TESC: variants seen among roughly 807,000 people sequenced by gnomAD.
TESC encodes the protein tescalcin.
Under a neutral mutation model 31.0 loss-of-function variants are expected in TESC, and 19 were observed. That is an observed-to-expected ratio of 0.61 (90% CI 0.43 to 0.90). TESC has a LOEUF of 0.90. Ranked by LOEUF, TESC falls within the 40% of genes least tolerant of loss-of-function variation. The pLI is 0.00. For missense variants in TESC, 248 were observed against 303.8 expected (o/e 0.82, Z 1.36); for synonymous variants, 109 against 114.8 (o/e 0.95, Z 0.32).
intron 1 of TESC, among the ~76,000 whole-genome samples, chr12:117,086,843 G>A (rs745507820): frequency 2.6e-5 from 4 of 152,208 alleles, no homozygotes; most frequent in African/African-American, 9.7e-5. Context: ...TGCAGGAGAC[G>A]CTGGGGTTGC....
chr12:117,062,125 G>A (rs1044901973), intron 2 of TESC, among the ~76,000 whole-genome samples: 2 of 152,038 alleles, frequency 1.3e-5, no homozygotes, highest in South Asian at 2.1e-4. Context: ...GCTAACCTAC[G>A]TACCCTCAAA....
intron 3 of TESC, among the ~76,000 whole-genome samples, chr12:117,056,249 G>A (rs574123585): frequency 5.9e-4 from 89 of 152,028 alleles, no homozygotes; most frequent in Middle Eastern, 3.2e-3. Context: ...TAGAAACAGG[G>A]TTTCACCATG....
chr12:117,089,163 A>T (rs1435952842), intron 1 of TESC, among the ~76,000 whole-genome samples: 1 of 152,116 alleles, frequency 6.6e-6, no homozygotes, highest in Non-Finnish European at 1.5e-5. Flanking sequence ...ATGAATCCAA[A>T]CTCCAAGACT....
intron 6 of TESC, among the ~76,000 whole-genome samples, chr12:117,042,889 C>T (rs12301340): frequency 0.017 from 2,546 of 152,242 alleles, 79 homozygotes; most frequent in African/African-American, 0.057. Flanking sequence ...TACTGGAACG[C>T]TAAGCTGTGG....
chr12:117,049,904 A>G lies in TESC; in HGVS notation c.210-746T>C, dbSNP rs1244334979. On this transcript the variant is annotated intron_variant, in intron 3 of 7. Transcript: ENST00000335209. Reference sequence around the variant, plus strand: ...TGACAGAGGGAGACCCTGTCTCAAGAAAAAAAAAAAAAAAAAAAAAGGAAG... The same window carrying G: ...TGACAGAGGGAGACCCTGTCTCAAGGAAAAAAAAAAAAAAAAAAAAGGAAG... 1.8e-4 allele frequency among the ~76,000 whole-genome samples: 8 copies of G among 45,142 alleles called. No homozygotes were observed. The East Asian group carries it at 4.7e-3, about 26-fold the overall frequency. The allele number at this position is 45,142 out of a possible 152,430, so 29.6% of individuals were successfully genotyped here.
chr12:117,092,959 G>C (rs545427918), intron 1 of TESC, among the ~76,000 whole-genome samples: 1 of 152,296 alleles, frequency 6.6e-6, no homozygotes, highest in East Asian at 1.9e-4. Flanking sequence ...CTATTTCATG[G>C]GGTTCATGGA....
At chr12:117,044,575 A>G (rs1341589638) in intron 6 of TESC, among the ~76,000 whole-genome samples, 1 of 152,170 alleles carries the variant, frequency 6.6e-6, no homozygotes, top group Non-Finnish European at 1.5e-5. Context: ...TCAAGCATCC[A>G]TGGGTGTGAC....
chr12:117,047,080 C>T (rs1954578998), intron 4 of TESC, among the ~76,000 whole-genome samples: 1 of 152,244 alleles, frequency 6.6e-6, no homozygotes, highest in Non-Finnish European at 1.5e-5. Flanking sequence ...ACAACAGTGT[C>T]TACCTCGTGG....
At chr12:117,052,206 T>A (rs955634079) in intron 3 of TESC, among the ~76,000 whole-genome samples, 10 of 152,138 alleles carry the variant, frequency 6.6e-5, no homozygotes, top group African/African-American at 2.4e-4. Flanking sequence ...CCCCCTTAAC[T>A]TTCCAATTCT....
At chr12:117,066,351 C>T (rs1341642251) in intron 2 of TESC, among the ~76,000 whole-genome samples, 1 of 150,476 alleles carries the variant, frequency 6.6e-6, no homozygotes, top group Non-Finnish European at 1.5e-5. Flanking sequence ...GGACTACAGG[C>T]ACCCGCCACC....
rs140780871 is a variant in TESC at position 117,046,604 on chromosome 12, G to A, written c.474C>T (p.Ala158=). The change falls in exon 6 of 8, where the codon GCC becomes GCT. Residue 158 remains alanine (A), a synonymous_variant. Transcript: ENST00000335209. The part of the protein sequence containing the change: ...HIEKESARSI[A]DGAMMEAASV... Reference sequence around the variant, plus strand: ...TGGCCGCCTCCATCATGGCCCCGTCGGCGATGGAGCGAGCGGACTCCTTCT... The same window carrying A: ...TGGCCGCCTCCATCATGGCCCCGTCAGCGATGGAGCGAGCGGACTCCTTCT... The A allele has an allele frequency of 7.4e-5, 115 of 1,551,240 alleles. 2 individuals carry two copies. The highest frequency in any genetic ancestry group is 5.0e-4 in the Middle Eastern group (3 of 6,014).
intron 2 of TESC, among the ~76,000 whole-genome samples, chr12:117,065,577 G>A (rs1325044185): frequency 6.6e-6 from 1 of 152,120 alleles, no homozygotes; most frequent in Non-Finnish European, 1.5e-5. Flanking sequence ...CAGGGGAGAG[G>A]TCCTGGGAGG....
intron 1 of TESC, among the ~76,000 whole-genome samples, chr12:117,087,521 C>T (rs1425624979): frequency 2.6e-5 from 4 of 152,180 alleles, no homozygotes; most frequent in African/African-American, 9.7e-5. Context: ...AGTGAATTGA[C>T]TTTAGAATCT....
intron 7 of TESC, among the ~76,000 whole-genome samples, chr12:117,041,241 C>T (rs533406463): frequency 7.2e-5 from 11 of 152,262 alleles, no homozygotes; most frequent in African/African-American, 2.6e-4. Context: ...AAGGCCCGGG[C>T]GCAACGTGTG....
intron 1 of TESC, among the ~76,000 whole-genome samples, chr12:117,075,928 T>C (rs1347165658): frequency 1.8e-5 from 2 of 113,234 alleles, no homozygotes; most frequent in Non-Finnish European, 3.4e-5. Context: ...TGTGTGTATA[T>C]ATATATATAT....
At chr12:117,048,365 C>A (rs775521525) in intron 4 of TESC, among the ~76,000 whole-genome samples, 2 of 152,186 alleles carry the variant, frequency 1.3e-5, no homozygotes, top group Non-Finnish European at 2.9e-5. Flanking sequence ...ATAGCGAAGT[C>A]CCATGTTTAC....
intron 4 of TESC, among the ~76,000 whole-genome samples, chr12:117,047,091 C>A (rs1284253795): frequency 6.6e-6 from 1 of 152,200 alleles, no homozygotes; most frequent in Non-Finnish European, 1.5e-5. Context: ...TACCTCGTGG[C>A]CTTAGGAGGG....
At chr12:117,081,393 C>A (rs1478695972) in intron 1 of TESC, among the ~76,000 whole-genome samples, 1 of 152,096 alleles carries the variant, frequency 6.6e-6, no homozygotes, top group Admixed American at 6.5e-5. Context: ...CTTAATGTGG[C>A]CACGAGAAAA....
chr12:117,064,827 G>A (rs1555231406), intron 2 of TESC, among the ~76,000 whole-genome samples: 1 of 152,180 alleles, frequency 6.6e-6, no homozygotes, highest in Non-Finnish European at 1.5e-5. Context: ...GGTGGGGAGG[G>A]TGCTACCAGC....
Sources: gnomAD v4.1 joint callset for allele counts (sites outside exome capture counted in the v4.1 genomes callset) on GRCh38, gnomAD v4.1.1 for gene constraint, MANE v1.5 for transcripts, NCBI Gene and HGNC (gene_info 2026-07-23, HGNC 2026-07-21) for gene names.